RPL23: variants seen among roughly 807,000 people sequenced by gnomAD.
RPL23 encodes ribosomal protein L23.
For synonymous variants in RPL23, 63 were observed against 65.3 expected, an observed-to-expected ratio of 0.97 and a Z score of 0.17; for missense variants, 79 against 178.8, an observed-to-expected ratio of 0.44 and a Z score of 3.18.
At position 38,848,765 on chromosome 17, in the gene RPL23, T is replaced by C. The variant is rs948239267; in HGVS notation, c.*1367A>G. On this transcript the variant is annotated 3_prime_UTR_variant, in exon 5 of 5. Transcript: ENST00000479035. ...TTCCATAACTAGTCATGGAAGACAC[T>C]AAGGGTAGTCCTTTTTGATACCAAG... 3 of 152,082 alleles carry C rather than the reference T, an allele frequency of 2.0e-5. No individual in the cohort carries two copies. Among genetic ancestry groups the C allele is most frequent in the South Asian group, 4.2e-4 (2 of 4,812 alleles). The allele number at this position is 152,082 out of a possible 1,614,324, so 9.4% of individuals were successfully genotyped here.
At chr17:38,853,336 G>A (rs1019749571) in intron 1 of RPL23, 10 of 673,004 alleles carry the variant, frequency 1.5e-5, no homozygotes, top group Admixed American at 6.7e-5. Context: ...AAGAAACCTA[G>A]ACGACTCAAC....
Position 38,847,908 on chromosome 17 carries a change from A to G in RPL23, c.*2224T>C. ...TAATCCAAGTCAAAAAAAATCTCCAAAGAATAAAATGTGAGGTGGGATGCA... is the reference window on the plus strand; with the variant it reads ...TAATCCAAGTCAAAAAAAATCTCCAGAGAATAAAATGTGAGGTGGGATGCA... On this transcript the variant is annotated 3_prime_UTR_variant, in exon 5 of 5. Transcript: ENST00000479035. 2.0e-6 allele frequency: 3 copies of G among 1,502,508 alleles called. No homozygotes were observed. Among genetic ancestry groups the G allele is most frequent in the Non-Finnish European group, 2.7e-6 (3 of 1,127,094 alleles). 93.1% of individuals were successfully genotyped at this position (1,502,508 alleles called of 1,614,324 possible). A position where few individuals can be genotyped will look rare whatever the true frequency, so the allele number is the denominator to read the frequency against.
At chr17:38,852,146 C>CG (rs1338041809) in intron 3 of RPL23, 2 of 158,092 alleles carry the variant, frequency 1.3e-5, no homozygotes, top group Non-Finnish European at 2.8e-5. Context: ...CTCTTGAGCC[C>CG]GGGAGGTGGA....
Position 38,853,678 on chromosome 17 carries a change from C to A in RPL23, c.13+20G>T. On this transcript the variant is annotated intron_variant, in intron 1 of 4. Coordinates refer to ENST00000479035, the MANE Select transcript of RPL23 (RefSeq NM_000978.4). Reference sequence around the variant, plus strand: ...ACTGCACGACAGATGGTGGAGGATCCTCCAGAAACAAAACCTCACCTCGCT... The same window carrying A: ...ACTGCACGACAGATGGTGGAGGATCATCCAGAAACAAAACCTCACCTCGCT... 1.2e-6 allele frequency: 2 copies of A among 1,614,152 alleles called. No individual in the cohort carries two copies. Among genetic ancestry groups the A allele is most frequent in the Non-Finnish European group, 1.7e-6 (2 of 1,180,008 alleles).
At position 38,852,635 on chromosome 17, in the gene RPL23, G is replaced by A; in HGVS notation, c.195C>T (p.Val65=). The A allele has an allele frequency of 6.2e-7, 1 of 1,612,706 alleles. No homozygotes were observed. Among genetic ancestry groups the A allele is most frequent in the Non-Finnish European group, 8.5e-7 (1 of 1,180,034 alleles). ...TTCTGAGCTCTGGTTTGCCTTTCTT[G>A]ACTGTGGCCATCACCATGTCACCCA... is the stretch of plus-strand genomic sequence containing the variant. ...AGVGDMVMAT[V]KKGKPELRKK... is the part of the protein sequence containing the mutation. The change falls in exon 3 of 5, where the codon GTC becomes GTT. Residue 65 remains valine, a synonymous_variant. Coordinates refer to ENST00000479035, the MANE Select transcript of RPL23 (RefSeq NM_000978.4).
chr17:38,853,188 TAATTCACC>T, intron 1 of RPL23, 83 bp from the exon 2 acceptor site: 1 of 1,031,712 alleles, frequency 9.7e-7, no homozygotes, highest in Non-Finnish European at 1.5e-6. Flanking sequence ...ACTCAAGCTG[TAATTCACC>T]GCACATGCTT....
rs1319704666 is a variant in RPL23 at position 38,852,616 on chromosome 17, G to C, written c.214C>G (p.Leu72Val). 1 of 1,611,976 alleles carries C rather than the reference G, an allele frequency of 6.2e-7. No individual in the cohort carries two copies. Among genetic ancestry groups the C allele is most frequent in the Non-Finnish European group, 8.5e-7 (1 of 1,179,880 alleles). The change falls in exon 3 of 5, where the codon CTC becomes GTC. Residue 72 changes from leucine to valine, a missense_variant. Transcript: ENST00000479035. ...AGTGTTTACTCACCCTTTTTTCTGA[G>C]CTCTGGTTTGCCTTTCTTGACTGTG... Reference protein sequence around the residue: ...MATVKKGKPELRKKVHPAVVI... With the variant: ...MATVKKGKPEVRKKVHPAVVI...
chr17:38,849,833 T>C lies in RPL23; in HGVS notation c.*299A>G. On this transcript the variant is annotated 3_prime_UTR_variant, in exon 5 of 5. Transcript: ENST00000479035. ...TGCTTTAAAAAAAAAATGCCCAGAG[T>C]TTCCATTTCAGAAAAGTGATGGTCA... 1 of 248,340 alleles carries C rather than the reference T, an allele frequency of 4.0e-6. No homozygotes were observed. The highest frequency in any genetic ancestry group is 7.5e-6 in the Non-Finnish European group (1 of 132,990). 15.4% of individuals were successfully genotyped at this position (248,340 alleles called of 1,614,324 possible).
At chr17:38,852,774 A>G (rs764391123) in intron 2 of RPL23, 42 bp from the exon 3 acceptor site, 3 of 1,613,542 alleles carry the variant, frequency 1.9e-6, no homozygotes, top group Admixed American at 1.7e-5. Flanking sequence ...GTTGAGGGCC[A>G]TCAGGCCGTT....
intron 3 of RPL23, chr17:38,851,513 TCGGAGCTCTGGTCTGTCC>T (rs1156488521): frequency 2.6e-5 from 4 of 152,210 alleles, no homozygotes; most frequent in African/African-American, 9.6e-5. Flanking sequence ...ACTGAAGTGT[TCGGAGCTCTGGTCTGTCC>T]CACCACTGAC....
At chr17:38,851,947 C>T (rs965154373) in intron 3 of RPL23, 4 of 152,202 alleles carry the variant, frequency 2.6e-5, no homozygotes, top group African/African-American at 9.7e-5. Context: ...TTAAAATGCA[C>T]CAAACACCAG....
Position 38,853,693 on chromosome 17 carries a change from C to A in RPL23, c.13+5G>T, listed in dbSNP as rs1465383790. The stretch of plus-strand genomic sequence containing the variant: ...GTGGAGGATCCTCCAGAAACAAAAC[C>A]TCACCTCGCTTCGACATCTTGAACG... On this transcript the variant is annotated splice_donor_5th_base_variant and intron_variant, in intron 1 of 4. Coordinates refer to ENST00000479035, the MANE Select transcript of RPL23 (RefSeq NM_000978.4). 1 of 1,614,184 alleles carries A rather than the reference C, an allele frequency of 6.2e-7. No individual in the cohort carries two copies. Among genetic ancestry groups the A allele is most frequent in the South Asian group, 1.1e-5 (1 of 91,084 alleles).
chr17:38,848,312 C>T lies in RPL23; in HGVS notation c.*1820G>A, dbSNP rs1912913951. 7.3e-6 allele frequency: 2 copies of T among 275,718 alleles called. No individual in the cohort carries two copies. The highest frequency in any genetic ancestry group is 4.4e-5 in the African/African-American group (2 of 45,360). The allele number at this position is 275,718 out of a possible 1,614,324, so 17.1% of individuals were successfully genotyped here. A position where few individuals can be genotyped will look rare whatever the true frequency, so the allele number is the denominator to read the frequency against. On this transcript the variant is annotated 3_prime_UTR_variant, in exon 5 of 5. Coordinates refer to ENST00000479035, the MANE Select transcript of RPL23 (RefSeq NM_000978.4). ...GGAGCACAATCGTGCGACCTCAGCT[C>T]ACTGCAACCTCCATCTCCGGGGTTC... is the stretch of plus-strand genomic sequence containing the variant.
chr17:38,853,176 A>AT (rs748407262), intron 1 of RPL23, 71 bp from the exon 2 acceptor site: 2,038 of 1,175,152 alleles, frequency 1.7e-3, no homozygotes, highest in Non-Finnish European at 2.5e-3. Flanking sequence ...GTTCCCCCTC[A>AT]TACTCAAGCT....
intron 3 of RPL23, chr17:38,851,793 G>T (rs1913010625): frequency 6.6e-6 from 1 of 152,218 alleles, no homozygotes; most frequent in South Asian, 2.1e-4. Flanking sequence ...GTGGATACAG[G>T]AATAGGAGTA....
In RPL23 at chr17:38,850,736, G is replaced by A; in HGVS notation, c.227-261C>T. The A allele has an allele frequency of 5.7e-6, 2 of 349,116 alleles. 1 individual carries two copies. Among genetic ancestry groups the A allele is most frequent in the South Asian group, 9.7e-5 (2 of 20,600 alleles). The allele number at this position is 349,116 out of a possible 1,614,324, so 21.6% of individuals were successfully genotyped here. A position where few individuals can be genotyped will look rare whatever the true frequency, so the allele number is the denominator to read the frequency against. On this transcript the variant is annotated intron_variant, in intron 3 of 4. Coordinates refer to ENST00000479035, the MANE Select transcript of RPL23 (RefSeq NM_000978.4). ...CAAGCCTGGCCTCCCAAAGTGCTGG[G>A]AGTATAGGGAGTAAAGGCATGAACC... is the stretch of plus-strand genomic sequence containing the variant.
intron 2 of RPL23, 140 bp downstream of exon 2, chr17:38,852,882 G>A: frequency 7.3e-7 from 1 of 1,371,670 alleles, no homozygotes. Flanking sequence ...ACCACCGATT[G>A]AAGCAAACAA....
At chr17:38,850,858 C>T (rs1235419259) in intron 3 of RPL23, 2 of 159,438 alleles carry the variant, frequency 1.3e-5, no homozygotes, top group African/African-American at 4.8e-5. Flanking sequence ...CCTTTTCCAA[C>T]TTCACCTTAC....
In RPL23 at chr17:38,848,184, T is replaced by A; in HGVS notation, c.*1948A>T. On this transcript the variant is annotated 3_prime_UTR_variant, in exon 5 of 5. Transcript: ENST00000479035. ...GGGGCTTGTCACACTAAAGCTGACT[T>A]GAAATTGACCATACTCAGGGATGTT... 9.2e-7 allele frequency: 1 copy of A among 1,083,384 alleles called. No homozygotes were observed. The highest frequency in any genetic ancestry group is 1.2e-6 in the Non-Finnish European group (1 of 826,312). The allele number at this position is 1,083,384 out of a possible 1,614,324, so 67.1% of individuals were successfully genotyped here. A position where few individuals can be genotyped will look rare whatever the true frequency, so the allele number is the denominator to read the frequency against.
Sources: gnomAD v4.1 joint callset for allele counts on GRCh38, gnomAD v4.1.1 for gene constraint, MANE v1.5 for transcripts, NCBI Gene and HGNC (gene_info 2026-07-23, HGNC 2026-07-21) for gene names.